The following PRKCSH variants were observed in gnomAD, a reference collection of about 807,000 sequenced individuals.
PRKCSH encodes the protein PRKCSH beta subunit of glucosidase II, also known as glucosidase 2 subunit beta.
A neutral mutation model predicts 79.7 loss-of-function variants in PRKCSH; 42 were observed. The observed-to-expected ratio is 0.53, with a 90% CI of 0.41 to 0.68. The LOEUF is 0.68. Among genes scored for constraint, PRKCSH ranks in the 30% least tolerant of loss-of-function variants. The pLI is 0.00. For synonymous variants in PRKCSH, 325 were observed against 288.2 expected, an observed-to-expected ratio of 1.13 and a Z score of -1.29; for missense variants, 686 against 709.0, an observed-to-expected ratio of 0.97 and a Z score of 0.37.
chr19:11,446,215 C>T lies in PRKCSH; in HGVS notation c.684-57C>T, dbSNP rs573679258. On this transcript the variant is annotated intron_variant, in intron 8 of 17. Coordinates refer to ENST00000677123, the MANE Select transcript of PRKCSH (RefSeq NM_001289104.2). ...GAACAGGTGGGCCACATGGTGCCCC[C>T]AACTGAGAGCCACTGGGGCCTCACC... The T allele has an allele frequency of 3.2e-6, 5 of 1,584,676 alleles. No individual in the cohort carries two copies. The East Asian group carries it at 1.1e-4, about 36-fold the overall frequency.
In PRKCSH at chr19:11,437,990, G is replaced by A. The variant is rs1969860544; in HGVS notation, c.292+19G>A. 1.2e-6 allele frequency: 2 copies of A among 1,613,746 alleles called. No homozygotes were observed. The highest frequency in any genetic ancestry group is 1.7e-6 in the Non-Finnish European group (2 of 1,179,760). ...GTTTGTGGTAAGTGAAGATGCACCA[G>A]GATTCTGGAAAGGTGGTAGAGGGAG... On this transcript the variant is annotated intron_variant, in intron 4 of 17. Coordinates refer to ENST00000677123, the MANE Select transcript of PRKCSH (RefSeq NM_001289104.2).
In PRKCSH at chr19:11,442,534, A is replaced by G. The variant is rs1171517138; in HGVS notation, c.598+19A>G. On this transcript the variant is annotated intron_variant, in intron 7 of 17. Coordinates refer to ENST00000677123, the MANE Select transcript of PRKCSH (RefSeq NM_001289104.2). ...TGGGAAGGTATGGCAGAAATGGCCAAGGACTCACCTTCAGTCCTGGGTGGG... is the reference window on the plus strand; with the variant it reads ...TGGGAAGGTATGGCAGAAATGGCCAGGGACTCACCTTCAGTCCTGGGTGGG... The G allele has an allele frequency of 2.5e-6, 4 of 1,607,776 alleles. No homozygotes were observed. Among genetic ancestry groups the G allele is most frequent in the Non-Finnish European group, 3.4e-6 (4 of 1,177,564 alleles).
chr19:11,440,968 C>G (rs1373644470), intron 5 of PRKCSH: 5 of 430,756 alleles, frequency 1.2e-5, no homozygotes, highest in East Asian at 9.8e-5. Flanking sequence ...CCCAGCTGAT[C>G]TCCTGTCTCT....
chr19:11,448,142 A>G lies in PRKCSH; in HGVS notation c.1127-80A>G. 2.1e-6 allele frequency: 3 copies of G among 1,416,872 alleles called. No individual in the cohort carries two copies. Among genetic ancestry groups the G allele is most frequent in the Non-Finnish European group, 2.9e-6 (3 of 1,025,628 alleles). The allele number at this position is 1,416,872 out of a possible 1,614,324, so 87.8% of individuals were successfully genotyped here. A position where few individuals can be genotyped will look rare whatever the true frequency, so the allele number is the denominator to read the frequency against. On this transcript the variant is annotated intron_variant, in intron 12 of 17. Transcript: ENST00000677123. This position sits in a 1 kb window ranked among gnomAD's most constrained non-coding sequence, Gnocchi z 4.4. Reference sequence around the variant, plus strand: ...GAGCAAAATGAGGGTATGGGAGCACACAGCCACATCCATGGAACCCCGTTC... The same window carrying G: ...GAGCAAAATGAGGGTATGGGAGCACGCAGCCACATCCATGGAACCCCGTTC...
Position 11,447,251 on chromosome 19 carries a change from GGCCACCCTGGCCAGCTGGGTGGCCC to G in PRKCSH, c.849+92_849+116del. Reference sequence around the variant, plus strand: ...GGAGCTGCCTCTGGTTCTGGCACCTGGCCACCCTGGCCAGCTGGGTGGCCCCAGCACCCCCCACCGAGACCCCCCG... The same window carrying G: ...GGAGCTGCCTCTGGTTCTGGCACCTGCAGCACCCCCCACCGAGACCCCCCG... On this transcript the variant is annotated intron_variant, in intron 10 of 17. Coordinates refer to ENST00000677123, the MANE Select transcript of PRKCSH (RefSeq NM_001289104.2). This position sits in a 1 kb window ranked among gnomAD's most constrained non-coding sequence, Gnocchi z 5.6. 6.8e-7 allele frequency: 1 copy of G among 1,467,248 alleles called. No individual in the cohort carries two copies. The highest frequency in any genetic ancestry group is 1.2e-5 in the South Asian group (1 of 84,984). The allele number at this position is 1,467,248 out of a possible 1,614,324, so 90.9% of individuals were successfully genotyped here. A position where few individuals can be genotyped will look rare whatever the true frequency, so the allele number is the denominator to read the frequency against.
Position 11,436,376 on chromosome 19 carries a change from C to A in PRKCSH, c.80-13C>A. Reference sequence around the variant, plus strand: ...GCTTACCTGCCCTGGGCTGAGCTTCCTGTACCCCGCAGATCATCACTTCTA... The same window carrying A: ...GCTTACCTGCCCTGGGCTGAGCTTCATGTACCCCGCAGATCATCACTTCTA... On this transcript the variant is annotated splice_polypyrimidine_tract_variant and intron_variant, in intron 2 of 17. Transcript: ENST00000677123. 6.2e-7 allele frequency: 1 copy of A among 1,613,312 alleles called. No homozygotes were observed. Among genetic ancestry groups the A allele is most frequent in the Middle Eastern group, 1.7e-4 (1 of 6,060 alleles).
At chr19:11,446,215 C>G (rs573679258) in intron 8 of PRKCSH, 57 bp from the exon 9 acceptor site, 1 of 1,584,556 alleles carries the variant, frequency 6.3e-7, no homozygotes, top group African/African-American at 1.3e-5. Context: ...ATGGTGCCCC[C>G]AACTGAGAGC....
At position 11,448,498 on chromosome 19, in the gene PRKCSH, G is replaced by T; in HGVS notation, c.1197-42G>T. ...GTCTGTCGTCCTGGGTCAGGCACTG[G>T]CGTCCCCAGCTGCCCCTTAACCGCT... On this transcript the variant is annotated intron_variant, in intron 13 of 17. Transcript: ENST00000677123. The surrounding 1 kb of genome is among the most constrained non-coding windows in gnomAD (Gnocchi z 4.4). The T allele has an allele frequency of 6.4e-7, 1 of 1,572,168 alleles. No individual in the cohort carries two copies. Among genetic ancestry groups the T allele is most frequent in the Non-Finnish European group, 8.8e-7 (1 of 1,141,842 alleles).
intron 7 of PRKCSH, among the ~76,000 whole-genome samples, chr19:11,443,216 C>T (rs1568365492): frequency 6.6e-6 from 1 of 151,566 alleles, no homozygotes; most frequent in African/African-American, 2.4e-5. Context: ...AGTTCGAGAC[C>T]ACCCTGGCCA....
chr19:11,435,958 C>T (rs1969703224), intron 1 of PRKCSH, 83 bp from the exon 2 acceptor site: 1 of 1,093,992 alleles, frequency 9.1e-7, no homozygotes, highest in East Asian at 2.4e-5. Context: ...AAAGTGAGGC[C>T]TCATTGCCTG....
intron 3 of PRKCSH, among the ~76,000 whole-genome samples, chr19:11,436,877 A>T (rs930475297): frequency 6.6e-6 from 1 of 152,154 alleles, no homozygotes; most frequent in African/African-American, 2.4e-5. Context: ...TGTTTTGAAG[A>T]GACAGGGTCT....
chr19:11,445,017 G>C (rs1002027039), intron 7 of PRKCSH, among the ~76,000 whole-genome samples: 1 of 152,058 alleles, frequency 6.6e-6, no homozygotes, highest in African/African-American at 2.4e-5. Context: ...CCCAGCCTGG[G>C]CCAGCCCTTG....
In PRKCSH at chr19:11,438,137, C is replaced by T; in HGVS notation, c.350+13C>T. The T allele has an allele frequency of 1.2e-6, 2 of 1,613,712 alleles. No individual in the cohort carries two copies. Among genetic ancestry groups the T allele is most frequent in the East Asian group, 2.2e-5 (1 of 44,880 alleles). On this transcript the variant is annotated intron_variant, in intron 5 of 17. Coordinates refer to ENST00000677123, the MANE Select transcript of PRKCSH (RefSeq NM_001289104.2). ...AGAACACCTGCAAGTACGTGGGTGA[C>T]AGTACCCCTCCCATCACCCCACCCC...
rs1970398837 is a variant in PRKCSH, at chr19:11,447,924, C to T, written c.1126+135C>T. On this transcript the variant is annotated intron_variant, in intron 12 of 17. Coordinates refer to ENST00000677123, the MANE Select transcript of PRKCSH (RefSeq NM_001289104.2). This position sits in a 1 kb window ranked among gnomAD's most constrained non-coding sequence, Gnocchi z 5.6. ...ACAAGCCCCAGTATCTTGGGGAGTC[C>T]AGGAAGGGGGCCTAGGGTAAGCCAG... The T allele has an allele frequency of 8.9e-7, 1 of 1,118,886 alleles. No homozygotes were observed. The highest frequency in any genetic ancestry group is 1.2e-6 in the Non-Finnish European group (1 of 801,368). 69.3% of individuals were successfully genotyped at this position (1,118,886 alleles called of 1,614,324 possible).
rs552026214 is a variant in PRKCSH at position 11,438,425 on chromosome 19, G to A, written c.350+301G>A. On this transcript the variant is annotated intron_variant, in intron 5 of 17. Transcript: ENST00000677123. ...TTTCCATTGTCACGCTCTGCAGCAG[G>A]TCCTGAAAACCGAAACACCCACAGG... Among the ~76,000 whole-genome samples, 3 of 152,244 alleles carry A rather than the reference G, an allele frequency of 2.0e-5. No individual in the cohort carries two copies. The East Asian group carries it at 5.8e-4, about 29-fold the overall frequency.
In PRKCSH at chr19:11,435,706, T is replaced by G; in HGVS notation, c.-78T>G. 2 of 1,318,788 alleles carry G rather than the reference T, an allele frequency of 1.5e-6. No individual in the cohort carries two copies. Among genetic ancestry groups the G allele is most frequent in the Non-Finnish European group, 2.0e-6 (2 of 1,008,992 alleles). The allele number at this position is 1,318,788 out of a possible 1,614,324, so 81.7% of individuals were successfully genotyped here. On this transcript the variant is annotated splice_region_variant and 5_prime_UTR_variant, in exon 1 of 18. Transcript: ENST00000677123. ...GATACTGACCTTTGCTCCGGCCTCGTGTAGGTGTGAACGAGCGGGTGGGAG... is the reference window on the plus strand; with the variant it reads ...GATACTGACCTTTGCTCCGGCCTCGGGTAGGTGTGAACGAGCGGGTGGGAG...
chr19:11,446,007 G>A (rs1035389218), intron 8 of PRKCSH, among the ~76,000 whole-genome samples: 2 of 151,998 alleles, frequency 1.3e-5, no homozygotes, highest in African/African-American at 4.8e-5. Context: ...GTGGAAGGAG[G>A]TGCCACCTGG....
intron 1 of PRKCSH, 46 bp downstream of exon 1, chr19:11,435,752 G>T: frequency 7.3e-7 from 1 of 1,365,872 alleles, no homozygotes; most frequent in Non-Finnish European, 9.6e-7. Flanking sequence ...TTTCTTACAG[G>T]GGGCAACCGG....
intron 7 of PRKCSH, among the ~76,000 whole-genome samples, chr19:11,443,058 T>A (rs1970136805): frequency 6.6e-6 from 1 of 152,196 alleles, no homozygotes; most frequent in Admixed American, 6.5e-5. Context: ...TAGCAGGACT[T>A]AGTTAATCCA....
Sources: gnomAD v4.1 joint callset for allele counts (sites outside exome capture counted in the v4.1 genomes callset) on GRCh38, gnomAD v4.1.1 for gene constraint, Gnocchi (gnomAD v3.1) non-coding constraint, MANE v1.5 for transcripts, NCBI Gene and HGNC (gene_info 2026-07-23, HGNC 2026-07-21) for gene names.